VWA2: variants seen among roughly 807,000 people sequenced by gnomAD.
VWA2 encodes the protein von Willebrand factor A domain containing 2, also known as von Willebrand factor A domain-containing protein 2.
A neutral mutation model predicts 70.4 loss-of-function variants in VWA2; 73 were observed. That is an observed-to-expected ratio of 1.04 (90% CI 0.86 to 1.26). The LOEUF (loss-of-function observed/expected upper bound fraction) is 1.26, where lower values mean the gene tolerates loss of function less well. VWA2 is among the 50% of genes most tolerant of loss of function. The probability of loss-of-function intolerance (pLI) is 0.00; values close to 1 mark genes in which losing one functional copy is unlikely to be tolerated. For synonymous variants in VWA2, 407 were observed against 423.3 expected (o/e 0.96, Z 0.47); for missense variants, 1,011 against 998.5 (o/e 1.01, Z -0.17).
Position 114,239,821 on chromosome 10 carries a change from C to T in VWA2, c.-11+252C>T, listed in dbSNP as rs183348686. On this transcript the variant is annotated intron_variant, in intron 1 of 13. Transcript: ENST00000392982. ...CGCGCGCCTCCCTCGTGGCCACTCG[C>T]GGTCCGTCCCGGGCGAGCTGGCGGG... Among the ~76,000 whole-genome samples the T allele has an allele frequency of 4.6e-3, 705 of 152,322 alleles. 9 individuals are homozygous for T. The highest frequency in any genetic ancestry group is 0.016 in the African/African-American group (668 of 41,592).
At chr10:114,272,556 GA>G (rs1173251010) in intron 5 of VWA2, among the ~76,000 whole-genome samples, 183 bp from the exon 6 acceptor site, 2 of 152,078 alleles carry the variant, frequency 1.3e-5, no homozygotes, top group Non-Finnish European at 2.9e-5. Context: ...CAAGTGCATG[GA>G]AAAAATAATT....
Position 114,284,866 on chromosome 10 carries a change from CCT to C in VWA2, c.894_895del (p.Cys299Ter). ...TTAATGGGCATCTCTCTGATAGGCCCCTGTGACTCGCAGCCCTGCCAGAATGG... is the reference window on the plus strand; with the variant it reads ...TTAATGGGCATCTCTCTGATAGGCCCGTGACTCGCAGCCCTGCCAGAATGG... On this transcript the variant is annotated frameshift_variant, in exon 10 of 14. Transcript: ENST00000392982. LOFTEE classifies it high-confidence loss of function. The C allele has an allele frequency of 6.2e-7, 1 of 1,607,722 alleles. No individual in the cohort carries two copies. The highest frequency in any genetic ancestry group is 8.5e-7 in the Non-Finnish European group (1 of 1,177,688).
intron 1 of VWA2, among the ~76,000 whole-genome samples, chr10:114,240,158 G>A (rs2036950756): frequency 6.6e-6 from 1 of 152,300 alleles, no homozygotes; most frequent in East Asian, 1.9e-4. Context: ...GAGTCCTCGC[G>A]CTTGGGCAGT....
chr10:114,269,779 A>G (rs374400551), intron 5 of VWA2, among the ~76,000 whole-genome samples: 5 of 152,134 alleles, frequency 3.3e-5, no homozygotes, highest in Non-Finnish European at 7.3e-5. Flanking sequence ...CAGATGGACC[A>G]CAAGGGAGGG....
intron 5 of VWA2, 134 bp downstream of exon 5, chr10:114,261,429 G>A (rs2037443097): frequency 1.7e-6 from 1 of 588,162 alleles, no homozygotes; most frequent in Non-Finnish European, 3.1e-6. Flanking sequence ...GCTGGGCACA[G>A]TTGGTCACAT....
chr10:114,277,168 C>CTGTTTTTTTTT, intron 6 of VWA2, among the ~76,000 whole-genome samples: 1 of 61,218 alleles, frequency 1.6e-5, no homozygotes, highest in African/African-American at 6.9e-5. Flanking sequence ...GACTGCACGT[C>CTGTTTTTTTTT]TTTTTTTTTT....
At chr10:114,242,444 G>A (rs1484706473) in intron 1 of VWA2, among the ~76,000 whole-genome samples, 1 of 152,182 alleles carries the variant, frequency 6.6e-6, no homozygotes, top group Admixed American at 6.5e-5. Context: ...GCATGCCGAT[G>A]CCTCTGTGTA....
intron 2 of VWA2, among the ~76,000 whole-genome samples, chr10:114,249,461 G>T (rs1033095655): frequency 6.6e-6 from 1 of 152,102 alleles, no homozygotes; most frequent in Non-Finnish European, 1.5e-5. Context: ...TCACCATATT[G>T]GTCAGGCTGG....
intron 2 of VWA2, among the ~76,000 whole-genome samples, chr10:114,251,073 C>T (rs78356924): frequency 0.033 from 5,037 of 152,296 alleles, 124 homozygotes; most frequent in Non-Finnish European, 0.053. Flanking sequence ...TAAGAATGTA[C>T]AAAAGTTCTC....
intron 5 of VWA2, among the ~76,000 whole-genome samples, chr10:114,263,380 A>C (rs1247621317): frequency 2.5e-5 from 3 of 121,264 alleles, no homozygotes; most frequent in Non-Finnish European, 4.7e-5. Context: ...TCTGTTGCCC[A>C]GGCTGGAGTG....
intron 1 of VWA2, 28 bp from the exon 2 acceptor site, chr10:114,248,676 C>T: frequency 6.3e-7 from 1 of 1,598,886 alleles, no homozygotes; most frequent in South Asian, 1.1e-5. Context: ...ATTGCTGATA[C>T]TTTCTTTCTT....
In VWA2 at chr10:114,293,916, G is replaced by A. The variant is rs2039832465; in HGVS notation, c.*2679G>A. Among the ~76,000 whole-genome samples the A allele has an allele frequency of 6.6e-6, 1 of 152,072 alleles. No homozygotes were observed. Among genetic ancestry groups the A allele is most frequent in the African/African-American group, 2.4e-5 (1 of 41,428 alleles). ...TAGCATGTATCCATATCTGGTTCTT[G>A]ACTTTTTCATCATAATAATTGTTTT... On this transcript the variant is annotated 3_prime_UTR_variant, in exon 14 of 14. Transcript: ENST00000392982.
At chr10:114,281,704 G>A (rs2133414659) in intron 8 of VWA2, 1 of 984,196 alleles carries the variant, frequency 1.0e-6, no homozygotes, top group South Asian at 4.7e-5. Context: ...GGGGTGGAGG[G>A]GCGGGGCTGG....
At chr10:114,287,571 C>G (rs1321085383) in intron 11 of VWA2, among the ~76,000 whole-genome samples, 1 of 152,154 alleles carries the variant, frequency 6.6e-6, no homozygotes, top group Non-Finnish European at 1.5e-5. Flanking sequence ...ACCACTCTCC[C>G]CAAGGCGAGA....
At chr10:114,279,764 A>G (rs2037973423) in intron 8 of VWA2, among the ~76,000 whole-genome samples, 1 of 152,182 alleles carries the variant, frequency 6.6e-6, no homozygotes, top group African/African-American at 2.4e-5. Context: ...ATAAGAAGAC[A>G]GTACAGTTGC....
chr10:114,284,862 G>C lies in VWA2; in HGVS notation c.890-1G>C. The C allele has an allele frequency of 6.2e-7, 1 of 1,606,686 alleles. No homozygotes were observed. Among genetic ancestry groups the C allele is most frequent in the Non-Finnish European group, 8.5e-7 (1 of 1,177,122 alleles). On this transcript the variant is annotated splice_acceptor_variant, in intron 9 of 13. Transcript: ENST00000392982. LOFTEE classifies it high-confidence loss of function. The stretch of plus-strand genomic sequence containing the variant: ...GCGGTTAATGGGCATCTCTCTGATA[G>C]GCCCCTGTGACTCGCAGCCCTGCCA...
At position 114,289,452 on chromosome 10, in the gene VWA2, G is replaced by A; in HGVS notation, c.2085G>A (p.Arg695=). The change falls in exon 12 of 14, where the codon CGG becomes CGA. Residue 695 remains arginine (R), a synonymous_variant. Transcript: ENST00000392982. The part of the protein sequence containing the change: ...LIHVAAYADL[R]YHQDVLIEWL... ...ACGTGGCAGCTTACGCCGACCTGCG[G>A]TACCACCAGGACGTGCTCATTGAGT... The A allele has an allele frequency of 1.2e-6, 2 of 1,614,176 alleles. No homozygotes were observed. The highest frequency in any genetic ancestry group is 8.5e-7 in the Non-Finnish European group (1 of 1,180,040).
At chr10:114,266,211 G>A (rs1272841355) in intron 5 of VWA2, among the ~76,000 whole-genome samples, 1 of 151,998 alleles carries the variant, frequency 6.6e-6, no homozygotes, top group Non-Finnish European at 1.5e-5. Context: ...GCAGGAGAAT[G>A]GCATGAACCC....
At chr10:114,259,795 C>A (rs1286320620) in intron 4 of VWA2, among the ~76,000 whole-genome samples, 1 of 152,174 alleles carries the variant, frequency 6.6e-6, no homozygotes, top group South Asian at 2.1e-4. Flanking sequence ...GAAGCTTCTT[C>A]CTGAGATCAC....
Sources: gnomAD v4.1 joint callset for allele counts (sites outside exome capture counted in the v4.1 genomes callset) on GRCh38, gnomAD v4.1.1 for gene constraint, MANE v1.5 for transcripts, NCBI Gene and HGNC (gene_info 2026-07-23, HGNC 2026-07-21) for gene names.